Variants in FHIT observed in about 807,000 individuals in gnomAD.
The protein encoded by FHIT is fragile histidine triad diadenosine triphosphatase.
In FHIT, 19 loss-of-function variants were observed where a neutral mutation model predicts 17.9. The ratio of observed to expected loss-of-function variants is 1.06; its 90% CI spans 0.74 to 1.56. The LOEUF is 1.56. Among genes scored for constraint, FHIT ranks in the 40% most tolerant of loss-of-function variants. FHIT has a pLI of 0.00. For missense variants in FHIT, 248 were observed against 189.2 expected, an observed-to-expected ratio of 1.31 and a Z score of -1.82; for synonymous variants, 81 against 69.7, an observed-to-expected ratio of 1.16 and a Z score of -0.81.
At chr3:60,713,232 G>A (rs1184272865) in intron 4 of FHIT, among the ~76,000 whole-genome samples, 1 of 150,260 alleles carries the variant, frequency 6.7e-6, no homozygotes, top group African/African-American at 2.4e-5. Context: ...AAACCAACGA[G>A]AACAAAGACA....
chr3:60,994,236 T>C (rs2030489293), intron 3 of FHIT, among the ~76,000 whole-genome samples: 1 of 152,244 alleles, frequency 6.6e-6, no homozygotes, highest in Non-Finnish European at 1.5e-5. Flanking sequence ...GACAATGATC[T>C]AGATATTCTG....
chr3:60,784,727 A>G (rs1423929401), intron 4 of FHIT, among the ~76,000 whole-genome samples: 1 of 152,186 alleles, frequency 6.6e-6, no homozygotes, highest in Non-Finnish European at 1.5e-5. Context: ...CACAAAATTT[A>G]TATGTTGAAA....
At chr3:60,685,106 A>G (rs1426980692) in intron 4 of FHIT, among the ~76,000 whole-genome samples, 1 of 152,074 alleles carries the variant, frequency 6.6e-6, no homozygotes, top group Non-Finnish European at 1.5e-5. Flanking sequence ...TCTCTACCCA[A>G]TTAACCTCCC....
chr3:60,817,832 G>A (rs1701793087), intron 4 of FHIT, among the ~76,000 whole-genome samples: 1 of 151,906 alleles, frequency 6.6e-6, no homozygotes, highest in Non-Finnish European at 1.5e-5. Flanking sequence ...ATTTTGTTCT[G>A]TTTCATTCTC....
chr3:60,889,851 A>C (rs534707681), intron 3 of FHIT, among the ~76,000 whole-genome samples: 1 of 152,320 alleles, frequency 6.6e-6, no homozygotes, highest in Admixed American at 6.5e-5. Flanking sequence ...CAGGACAAAA[A>C]GGTAAACAGA....
intron 4 of FHIT, among the ~76,000 whole-genome samples, chr3:60,572,804 G>T (rs1362430631): frequency 6.6e-6 from 1 of 152,140 alleles, no homozygotes; most frequent in African/African-American, 2.4e-5. Flanking sequence ...GTTGGCTGGG[G>T]AGATGGAAAA....
At chr3:60,442,989 A>G (rs902364929) in intron 5 of FHIT, among the ~76,000 whole-genome samples, 1 of 152,108 alleles carries the variant, frequency 6.6e-6, no homozygotes, top group East Asian at 1.9e-4. Flanking sequence ...GGTCCTTCAC[A>G]TCCCTTGTAA....
intron 8 of FHIT, among the ~76,000 whole-genome samples, chr3:59,801,041 AACTTGAACATTAGACTT>A (rs1418773291): frequency 6.6e-6 from 1 of 152,010 alleles, no homozygotes; most frequent in Non-Finnish European, 1.5e-5. Flanking sequence ...AGGTGGATCC[AACTTGAACATTAGACTT>A]TTGTGAAACA....
intron 5 of FHIT, among the ~76,000 whole-genome samples, chr3:60,184,514 ACCACAAAG>A: frequency 6.6e-6 from 1 of 152,156 alleles, no homozygotes; most frequent in East Asian, 1.9e-4. Context: ...TGGGAGGAAC[ACCACAAAG>A]ATAAAGTGCC....
At chr3:60,304,811 T>C (rs1708600330) in intron 5 of FHIT, among the ~76,000 whole-genome samples, 2 of 152,158 alleles carry the variant, frequency 1.3e-5, no homozygotes, top group South Asian at 2.1e-4. Flanking sequence ...AGTATCTAAC[T>C]TTATTAAGCA....
intron 4 of FHIT, among the ~76,000 whole-genome samples, chr3:60,662,187 T>C (rs566382308): frequency 6.6e-6 from 1 of 152,332 alleles, no homozygotes; most frequent in East Asian, 1.9e-4. Context: ...TAGATTTAAG[T>C]CTTTGAACCA....
intron 4 of FHIT, among the ~76,000 whole-genome samples, chr3:60,548,007 G>C (rs759383524): frequency 6.6e-6 from 1 of 151,984 alleles, no homozygotes; most frequent in African/African-American, 2.4e-5. Flanking sequence ...AATCTCTTTT[G>C]GTATTGCCAA....
intron 3 of FHIT, among the ~76,000 whole-genome samples, chr3:61,000,775 G>A (rs942923479): frequency 6.6e-6 from 1 of 152,246 alleles, no homozygotes; most frequent in African/African-American, 2.4e-5. Context: ...ACAGCAACAG[G>A]GAGAGCCTGC....
intron 5 of FHIT, among the ~76,000 whole-genome samples, chr3:60,530,164 T>C (rs1264955055): frequency 1.3e-5 from 2 of 152,084 alleles, no homozygotes; most frequent in African/African-American, 2.4e-5. Context: ...GTTAAAACTA[T>C]CATTAAGCAA....
chr3:60,103,505 AAAAT>A (rs1704278856), intron 5 of FHIT, among the ~76,000 whole-genome samples: 1 of 152,198 alleles, frequency 6.6e-6, no homozygotes. Context: ...CTGGCTAGGG[AAAAT>A]AATTTCTATG....
chr3:60,499,801 G>C (rs190580739), intron 5 of FHIT, among the ~76,000 whole-genome samples: 2 of 152,148 alleles, frequency 1.3e-5, no homozygotes, highest in African/African-American at 4.8e-5. Context: ...GTCCCTCCTC[G>C]TTAGTTCTTA....
intron 3 of FHIT, among the ~76,000 whole-genome samples, chr3:60,843,219 CT>C (rs1702799711): frequency 6.6e-6 from 1 of 152,112 alleles, no homozygotes; most frequent in Non-Finnish European, 1.5e-5. Context: ...TTCTTTCTGA[CT>C]TTGGGGCTGA....
At chr3:60,494,043 A>T (rs1374089075) in intron 5 of FHIT, among the ~76,000 whole-genome samples, 1 of 152,222 alleles carries the variant, frequency 6.6e-6, no homozygotes, top group Non-Finnish European at 1.5e-5. Flanking sequence ...TCAAATACAT[A>T]AAGTTGTAAT....
chr3:60,194,736 G>C (rs1238059366), intron 5 of FHIT, among the ~76,000 whole-genome samples: 2 of 151,870 alleles, frequency 1.3e-5, no homozygotes, highest in East Asian at 1.9e-4. Context: ...AAATCAGCAA[G>C]GATAAAAAAC....
Sources: allele counts gnomAD v4.1 joint callset (sites outside exome capture counted in the v4.1 genomes callset), GRCh38; gene constraint gnomAD v4.1.1; transcripts MANE v1.5; gene names NCBI Gene and HGNC (gene_info 2026-07-23, HGNC 2026-07-21).